Variants in HDAC9 observed in about 807,000 individuals in gnomAD.
HDAC9 encodes the protein histone deacetylase 9.
HDAC9 carries 41 observed loss-of-function variants against 139.4 expected under a neutral mutation model. That is an observed-to-expected ratio of 0.29 (90% confidence interval 0.23 to 0.38). HDAC9 has a LOEUF of 0.38. Ranked by LOEUF, HDAC9 falls within the 10% of genes least tolerant of loss-of-function variation. The probability of loss-of-function intolerance (pLI) is 1.00; values close to 1 mark genes in which losing one functional copy is unlikely to be tolerated. For synonymous variants in HDAC9, 517 were observed against 476.2 expected (o/e 1.09, Z -1.12); for missense variants, 1,147 against 1,297.0 (o/e 0.88, Z 1.78).
At position 18,521,058 on chromosome 7, in the gene HDAC9, G is replaced by A. The variant is rs140862036; in HGVS notation, c.22+24734G>A. On this transcript the variant is annotated intron_variant, in intron 2 of 25. Transcript: ENST00000686413. ...GGTTTGAAATTGGATAATTTGATTT[G>A]AAATCTTGCCTAATTATTTTAAGAA... Among the ~76,000 whole-genome samples the A allele has an allele frequency of 4.9e-3, 744 of 152,258 alleles. 10 individuals carry two copies. The highest frequency in any genetic ancestry group is 9.1e-3 in the Non-Finnish European group (620 of 68,008).
intron 25 of HDAC9, among the ~76,000 whole-genome samples, chr7:18,981,460 C>A (rs77138421): frequency 0.15 from 22,731 of 152,056 alleles, 2,450 homozygotes; most frequent in East Asian, 0.5. Flanking sequence ...AGTCAGAAAT[C>A]TAACTAACCC....
At chr7:18,480,294 G>A (rs1795453642) in intron 1 of HDAC9, among the ~76,000 whole-genome samples, 1 of 152,116 alleles carries the variant, frequency 6.6e-6, no homozygotes, top group Non-Finnish European at 1.5e-5. Context: ...TATGAAATTA[G>A]AGTGCTGTGT....
At chr7:18,269,285 G>C (rs939421562) in intron 2 of HDAC9, among the ~76,000 whole-genome samples, 8 of 152,166 alleles carry the variant, frequency 5.3e-5, no homozygotes, top group African/African-American at 1.9e-4. Flanking sequence ...GAATTCTAGT[G>C]ATTTGTATCA....
At chr7:18,209,729 C>T (rs1791795997) in intron 2 of HDAC9, among the ~76,000 whole-genome samples, 1 of 151,300 alleles carries the variant, frequency 6.6e-6, no homozygotes, top group Admixed American at 6.6e-5. Flanking sequence ...GAGACAGAGT[C>T]TCACTCTGTT....
At chr7:18,619,529 G>T (rs942983531) in intron 6 of HDAC9, among the ~76,000 whole-genome samples, 1 of 152,182 alleles carries the variant, frequency 6.6e-6, no homozygotes, top group African/African-American at 2.4e-5. Context: ...GTAGTGGCAA[G>T]TATAGGCTAT....
chr7:18,141,873 T>C (rs1354041468), intron 1 of HDAC9, among the ~76,000 whole-genome samples: 1 of 152,204 alleles, frequency 6.6e-6, no homozygotes, highest in African/African-American at 2.4e-5. Flanking sequence ...ACCAAGACTG[T>C]GGCTTTATAG....
At chr7:18,943,314 G>A (rs1409531223) in intron 23 of HDAC9, among the ~76,000 whole-genome samples, 2 of 151,944 alleles carry the variant, frequency 1.3e-5, no homozygotes, top group Non-Finnish European at 2.9e-5. Context: ...TCATTATGTT[G>A]TATATCTACA....
chr7:18,764,395 A>C (rs1789646555), intron 15 of HDAC9, among the ~76,000 whole-genome samples: 1 of 152,166 alleles, frequency 6.6e-6, no homozygotes, highest in South Asian at 2.1e-4. Context: ...GGGCTACGTA[A>C]GTACACAGAA....
chr7:18,682,808 C>T (rs1410029082), intron 12 of HDAC9, among the ~76,000 whole-genome samples: 1 of 147,344 alleles, frequency 6.8e-6, no homozygotes, highest in African/African-American at 2.7e-5. Flanking sequence ...CGTGGTGAAA[C>T]CCTGTCTAAT....
At chr7:18,925,695 T>A (rs1351712746) in intron 22 of HDAC9, among the ~76,000 whole-genome samples, 2 of 151,984 alleles carry the variant, frequency 1.3e-5, no homozygotes, top group African/African-American at 4.8e-5. Flanking sequence ...CCAGAAAGAC[T>A]TGAGCCTTTT....
At chr7:18,211,915 CAA>C (rs1390329984) in intron 2 of HDAC9, among the ~76,000 whole-genome samples, 1 of 152,050 alleles carries the variant, frequency 6.6e-6, no homozygotes, top group African/African-American at 2.4e-5. Context: ...GTTTGAGGGA[CAA>C]ATGGCCGTCA....
At chr7:18,817,419 A>T (rs1794656197) in intron 17 of HDAC9, among the ~76,000 whole-genome samples, 2 of 152,172 alleles carry the variant, frequency 1.3e-5, no homozygotes, top group South Asian at 4.1e-4. Flanking sequence ...AAAAAACCCA[A>T]AGAGGGTTCA....
chr7:18,668,279 C>A (rs2129080770), intron 12 of HDAC9: 1 of 960,924 alleles, frequency 1.0e-6, no homozygotes, highest in Admixed American at 6.2e-5. Context: ...TCCCTATCAC[C>A]AACATATTTT....
At chr7:18,623,410 A>T (rs892782525) in intron 6 of HDAC9, among the ~76,000 whole-genome samples, 27 of 151,938 alleles carry the variant, frequency 1.8e-4, no homozygotes, top group African/African-American at 6.5e-4. Context: ...AATTGCAGCC[A>T]TCTCTCTCTC....
chr7:18,923,702 A>G (rs1397696798), intron 22 of HDAC9, among the ~76,000 whole-genome samples: 2 of 152,042 alleles, frequency 1.3e-5, no homozygotes, highest in Non-Finnish European at 2.9e-5. Flanking sequence ...TATAAGTTGG[A>G]TATTGGGCTT....
chr7:18,986,806 C>G, intron 25 of HDAC9, among the ~76,000 whole-genome samples: 1 of 151,944 alleles, frequency 6.6e-6, no homozygotes, highest in Non-Finnish European at 1.5e-5. Context: ...AAGTTGGATT[C>G]CTAGGTATTT....
intron 2 of HDAC9, among the ~76,000 whole-genome samples, chr7:18,524,788 C>A (rs1806254126): frequency 6.6e-6 from 1 of 151,226 alleles, no homozygotes. Flanking sequence ...CTCCCAAACC[C>A]CTGAGTTGAA....
At chr7:18,582,359 A>C (rs1425140752) in intron 2 of HDAC9, among the ~76,000 whole-genome samples, 1 of 152,202 alleles carries the variant, frequency 6.6e-6, no homozygotes, top group East Asian at 1.9e-4. Context: ...ATTAGAATTT[A>C]AAAACTAATA....
intron 1 of HDAC9, among the ~76,000 whole-genome samples, chr7:18,379,528 G>C (rs1349613474): frequency 2.0e-5 from 3 of 152,092 alleles, no homozygotes; most frequent in African/African-American, 2.4e-5. Flanking sequence ...ACTGAGTTAG[G>C]GTAAGGAATT....
Sources: gnomAD v4.1 joint callset for allele counts (sites outside exome capture counted in the v4.1 genomes callset) on GRCh38, gnomAD v4.1.1 for gene constraint, MANE v1.5 for transcripts, NCBI Gene and HGNC (gene_info 2026-07-23, HGNC 2026-07-21) for gene names.